Variants in XKR9 observed in about 807,000 individuals in gnomAD.
The protein encoded by XKR9 is XK related 9.
A neutral mutation model predicts 32.0 loss-of-function variants in XKR9; 32 were observed. The ratio of observed to expected loss-of-function variants is 1.00; its 90% CI spans 0.76 to 1.34. The LOEUF (loss-of-function observed/expected upper bound fraction) is 1.34, where lower values mean the gene tolerates loss of function less well. Among genes scored for constraint, XKR9 ranks in the 40% most tolerant of loss-of-function variants. The probability of loss-of-function intolerance (pLI) is 0.00; values close to 1 mark genes in which losing one functional copy is unlikely to be tolerated. For synonymous variants in XKR9, 168 were observed against 143.4 expected, an observed-to-expected ratio of 1.17 and a Z score of -1.22; for missense variants, 546 against 429.7, an observed-to-expected ratio of 1.27 and a Z score of -2.39.
intron 2 of XKR9, among the ~76,000 whole-genome samples, chr8:70,754,281 G>A (rs201725251): frequency 5.4e-5 from 8 of 146,934 alleles, no homozygotes; most frequent in Non-Finnish European, 1.2e-4. Context: ...AAACAAATGG[G>A]AGAACATTCC....
In XKR9 at chr8:70,726,311, G is replaced by A. The variant is rs191052065; in HGVS notation, c.494-7485G>A. On this transcript the variant is annotated intron_variant, in intron 4 of 4. Coordinates refer to ENST00000408926, the MANE Select transcript of XKR9 (RefSeq NM_001011720.2). ...AATACCTTAGTGGCAGATCATCCGCGTCAATTCATGAAGAAAAAATTAATT... is the reference window on the plus strand; with the variant it reads ...AATACCTTAGTGGCAGATCATCCGCATCAATTCATGAAGAAAAAATTAATT... Among the ~76,000 whole-genome samples the A allele has an allele frequency of 5.0e-3, 760 of 152,274 alleles. 9 individuals carry two copies. In the South Asian group the frequency reaches 0.05, roughly 10 times the overall value.
At chr8:71,006,488 C>T in the XKR9 span, among the ~76,000 whole-genome samples, 1 of 152,174 alleles carries the variant, frequency 6.6e-6, no homozygotes, top group Non-Finnish European at 1.5e-5. Flanking sequence ...TAGTGGATAG[C>T]TTGTTGGTGG....
At chr8:70,947,561 A>G in the XKR9 span, among the ~76,000 whole-genome samples, 1 of 152,262 alleles carries the variant, frequency 6.6e-6, no homozygotes. Flanking sequence ...TTAAGACGAC[A>G]TATGCAGTAA....
chr8:70,869,815 C>A, the XKR9 span, among the ~76,000 whole-genome samples: 1 of 152,160 alleles, frequency 6.6e-6, no homozygotes, highest in African/African-American at 2.4e-5. Context: ...AGAGGAGACA[C>A]CCACAACATT....
At chr8:70,745,415 A>C (rs140321961) in intron 2 of XKR9, among the ~76,000 whole-genome samples, 1 of 152,348 alleles carries the variant, frequency 6.6e-6, no homozygotes, top group Non-Finnish European at 1.5e-5. Context: ...GAACACTCAT[A>C]TGCACCTATA....
At position 70,754,340 on chromosome 8, in the gene XKR9, C is replaced by G. The variant is rs201423689; in HGVS notation, n.353-34999C>G. Reference sequence around the variant, plus strand: ...ATATCGTGAAAATGGCCATACTGCCCAAGGTAATTTATAGATTCAATGCCA... The same window carrying G: ...ATATCGTGAAAATGGCCATACTGCCGAAGGTAATTTATAGATTCAATGCCA... On this transcript the variant is annotated intron_variant and non_coding_transcript_variant, in intron 2 of 3. Transcript: ENST00000520273. Among the ~76,000 whole-genome samples, 10 of 141,932 alleles carry G rather than the reference C, an allele frequency of 7.0e-5. 1 individual carries two copies. Among genetic ancestry groups the G allele is most frequent in the South Asian group, 6.8e-4 (3 of 4,382 alleles). 93.1% of individuals were successfully genotyped at this position (141,932 alleles called of 152,430 possible). A position where few individuals can be genotyped will look rare whatever the true frequency, so the allele number is the denominator to read the frequency against.
At chr8:70,961,227 GA>G in the XKR9 span, among the ~76,000 whole-genome samples, 1,421 of 152,240 alleles carry the variant, frequency 9.3e-3, 22 homozygotes, top group African/African-American at 0.033. Flanking sequence ...AGTCAAGTCA[GA>G]AAGGAAGTAG....
the XKR9 span, among the ~76,000 whole-genome samples, chr8:71,041,705 T>C: frequency 6.6e-6 from 1 of 152,242 alleles, no homozygotes; most frequent in South Asian, 2.1e-4. Flanking sequence ...TCTGATGGTT[T>C]AAAAGTGTCA....
the XKR9 span, among the ~76,000 whole-genome samples, chr8:71,048,059 A>G: frequency 1.3e-5 from 2 of 152,168 alleles, no homozygotes; most frequent in Non-Finnish European, 2.9e-5. Flanking sequence ...GGAGCTTCCA[A>G]CTTCCATGTG....
At chr8:70,886,260 T>C in the XKR9 span, among the ~76,000 whole-genome samples, 2 of 152,232 alleles carry the variant, frequency 1.3e-5, no homozygotes, top group African/African-American at 4.8e-5. Flanking sequence ...ATGGTGTATA[T>C]GTGTCACATT....
chr8:70,767,872 C>T (rs1322660956), intron 2 of XKR9, among the ~76,000 whole-genome samples: 1 of 152,094 alleles, frequency 6.6e-6, no homozygotes, highest in African/African-American at 2.4e-5. Flanking sequence ...TTTCAAAAAT[C>T]CAGCTCTTGG....
the XKR9 span, among the ~76,000 whole-genome samples, chr8:70,827,177 A>G: frequency 6.6e-6 from 1 of 152,150 alleles, no homozygotes; most frequent in Non-Finnish European, 1.5e-5. Context: ...TAAAAGCTAT[A>G]TTTATATATA....
chr8:70,901,155 A>G, the XKR9 span, among the ~76,000 whole-genome samples: 1 of 152,310 alleles, frequency 6.6e-6, no homozygotes, highest in Non-Finnish European at 1.5e-5. Context: ...ATGATTTATA[A>G]TCTTTTGGGT....
chr8:70,890,394 C>T, the XKR9 span, among the ~76,000 whole-genome samples: 2 of 151,996 alleles, frequency 1.3e-5, no homozygotes, highest in Admixed American at 6.6e-5. Context: ...CTAGATCTTA[C>T]AAGAAAAGCT....
At chr8:71,039,326 T>TCATA in the XKR9 span, among the ~76,000 whole-genome samples, 1 of 152,212 alleles carries the variant, frequency 6.6e-6, no homozygotes, top group Admixed American at 6.5e-5. Flanking sequence ...GTCCCAAACA[T>TCATA]CATAGGTGTT....
At chr8:70,765,521 G>A (rs899671910) in intron 2 of XKR9, among the ~76,000 whole-genome samples, 2 of 152,118 alleles carry the variant, frequency 1.3e-5, no homozygotes, top group Non-Finnish European at 2.9e-5. Flanking sequence ...CATTCTGTAG[G>A]TTGCCTGTTT....
At chr8:70,687,385 C>CTT (rs1819334453) in intron 3 of XKR9, among the ~76,000 whole-genome samples, 1 of 112,716 alleles carries the variant, frequency 8.9e-6, no homozygotes, top group African/African-American at 3.5e-5. Context: ...CTCTTTCTTT[C>CTT]TCTTTCTCTT....
At chr8:70,981,895 G>A in the XKR9 span, among the ~76,000 whole-genome samples, 1 of 152,216 alleles carries the variant, frequency 6.6e-6, no homozygotes, top group Non-Finnish European at 1.5e-5. Context: ...CTGAACTGTA[G>A]TGATTGCTTT....
the XKR9 span, among the ~76,000 whole-genome samples, chr8:70,952,865 G>C: frequency 6.6e-6 from 1 of 152,156 alleles, no homozygotes; most frequent in Non-Finnish European, 1.5e-5. Flanking sequence ...GAACTCTTTG[G>C]TTACTGATCT....
Sources: allele counts gnomAD v4.1 joint callset (sites outside exome capture counted in the v4.1 genomes callset), GRCh38; gene constraint gnomAD v4.1.1; transcripts MANE v1.5; gene names NCBI Gene and HGNC (gene_info 2026-07-23, HGNC 2026-07-21).